Variants in PDE4D observed in about 807,000 individuals in gnomAD.
The protein encoded by PDE4D is 3',5'-cyclic-AMP phosphodiesterase 4D.
In PDE4D, 24 loss-of-function variants were observed where a neutral mutation model predicts 87.4. That is an observed-to-expected ratio of 0.27 (90% CI 0.20 to 0.39). The LOEUF is 0.39. PDE4D is among the 10% of genes least tolerant of loss of function. The pLI is 1.00. For synonymous variants in PDE4D, 384 were observed against 383.2 expected (o/e 1.00, Z -0.02); for missense variants, 714 against 1,041.0 (o/e 0.69, Z 4.32).
At chr5:60,104,052 C>T (rs1042902580) in intron 2 of PDE4D, among the ~76,000 whole-genome samples, 35 of 152,206 alleles carry the variant, frequency 2.3e-4, no homozygotes, top group South Asian at 2.3e-3. Flanking sequence ...CGAAGCAGGG[C>T]GAGGCATTGC....
chr5:59,228,254 G>A (rs539138744), intron 1 of PDE4D, among the ~76,000 whole-genome samples: 149 of 152,132 alleles, frequency 9.8e-4, no homozygotes, highest in African/African-American at 3.6e-3. Context: ...GCCAACTTGA[G>A]GATGGAGGGT....
chr5:59,203,035 ACC>A (rs1368236467), intron 2 of PDE4D, among the ~76,000 whole-genome samples: 228 of 152,312 alleles, frequency 1.5e-3, no homozygotes, highest in African/African-American at 5.3e-3. Context: ...TGGGCAAAAA[ACC>A]TGAATAGGTC....
chr5:59,413,457 C>CAAAAAAAAAAA (rs34074485), intron 1 of PDE4D, among the ~76,000 whole-genome samples: 6 of 54,418 alleles, frequency 1.1e-4, no homozygotes, highest in African/African-American at 3.3e-4. Context: ...GACTCCATCT[C>CAAAAAAAAAAA]AAAAAAAAAA....
At chr5:59,980,929 CT>C (rs1761859391) in intron 3 of PDE4D, among the ~76,000 whole-genome samples, 1 of 152,158 alleles carries the variant, frequency 6.6e-6, no homozygotes, top group Non-Finnish European at 1.5e-5. Context: ...TGCTCCATCA[CT>C]CTTAGAATCT....
At chr5:59,316,247 A>G (rs1345997251) in intron 1 of PDE4D, among the ~76,000 whole-genome samples, 2 of 152,234 alleles carry the variant, frequency 1.3e-5, no homozygotes, top group Non-Finnish European at 2.9e-5. Flanking sequence ...TGGAATCGGT[A>G]TAGACATAAG....
At chr5:59,362,147 G>T (rs976702528) in intron 1 of PDE4D, among the ~76,000 whole-genome samples, 1 of 152,068 alleles carries the variant, frequency 6.6e-6, no homozygotes, top group Non-Finnish European at 1.5e-5. Context: ...GCTGAATAAG[G>T]CAATTTATAT....
rs371898808 is a variant in PDE4D at position 59,609,403 on chromosome 5, T to C, written c.455+283765A>G. Among the ~76,000 whole-genome samples the C allele has an allele frequency of 4.2e-4, 13 of 30,658 alleles. No individual in the cohort carries two copies. In the East Asian group the frequency reaches 0.011, roughly 26 times the overall value. The allele number at this position is 30,658 out of a possible 152,430, so 20.1% of individuals were successfully genotyped here. On this transcript the variant is annotated intron_variant, in intron 1 of 14. Transcript: ENST00000340635. ...ACACACACACACACACACACACATA[T>C]ATATATGTAGTTAATCTGAATATCA...
chr5:59,055,693 G>C (rs756796157), intron 5 of PDE4D, among the ~76,000 whole-genome samples: 1 of 152,078 alleles, frequency 6.6e-6, no homozygotes, highest in Non-Finnish European at 1.5e-5. Flanking sequence ...AGAGATTCAG[G>C]GTGATGAGTC....
chr5:59,437,999 A>G lies in PDE4D; in HGVS notation c.456-222031T>C, dbSNP rs114436394. Among the ~76,000 whole-genome samples, 742 of 152,286 alleles carry G rather than the reference A, an allele frequency of 4.9e-3. 7 individuals are homozygous for G. Among genetic ancestry groups the G allele is most frequent in the African/African-American group, 0.017 (709 of 41,552 alleles). On this transcript the variant is annotated intron_variant, in intron 1 of 14. Transcript: ENST00000340635. Reference sequence around the variant, plus strand: ...AATGAGTGCCAGCAGGGGAAACACTAGAAGCTTATAAAACCAGCAGATCTC... The same window carrying G: ...AATGAGTGCCAGCAGGGGAAACACTGGAAGCTTATAAAACCAGCAGATCTC...
At chr5:60,316,297 G>T (rs1755589280) in intron 1 of PDE4D, among the ~76,000 whole-genome samples, 1 of 152,022 alleles carries the variant, frequency 6.6e-6, no homozygotes, top group African/African-American at 2.4e-5. Flanking sequence ...GTCTGTTATT[G>T]GTGTATAAGA....
At chr5:59,101,517 G>A (rs1032484324) in intron 5 of PDE4D, among the ~76,000 whole-genome samples, 1 of 152,116 alleles carries the variant, frequency 6.6e-6, no homozygotes, top group Non-Finnish European at 1.5e-5. Context: ...ACCCCTAGCA[G>A]GTTTTCCAAT....
chr5:60,389,307 T>C (rs1044461789), intron 1 of PDE4D, among the ~76,000 whole-genome samples: 3 of 152,182 alleles, frequency 2.0e-5, no homozygotes, highest in Admixed American at 2.0e-4. Flanking sequence ...ATTCAGACTC[T>C]TGAAACTGTA....
intron 1 of PDE4D, among the ~76,000 whole-genome samples, chr5:59,820,259 T>C (rs952483381): frequency 6.6e-6 from 1 of 152,238 alleles, no homozygotes; most frequent in African/African-American, 2.4e-5. Context: ...TGCCCACTCC[T>C]GTTGTTTATC....
At chr5:60,162,267 C>A (rs1228344381) in intron 2 of PDE4D, among the ~76,000 whole-genome samples, 1 of 152,068 alleles carries the variant, frequency 6.6e-6, no homozygotes, top group East Asian at 1.9e-4. Context: ...ATTGTTAATG[C>A]TTTCCAGAGC....
At chr5:59,914,004 T>C (rs1234434935) in intron 3 of PDE4D, among the ~76,000 whole-genome samples, 1 of 152,136 alleles carries the variant, frequency 6.6e-6, no homozygotes, top group African/African-American at 2.4e-5. Context: ...GGTTTAAGAA[T>C]AGTCTGGGCC....
intron 2 of PDE4D, among the ~76,000 whole-genome samples, chr5:59,202,775 CT>C (rs1747805039): frequency 6.6e-6 from 1 of 152,128 alleles, no homozygotes; most frequent in African/African-American, 2.4e-5. Context: ...TGAATTGCTC[CT>C]CCTCGCCTTC....
At chr5:59,056,584 G>T (rs981253243) in intron 5 of PDE4D, among the ~76,000 whole-genome samples, 1 of 152,204 alleles carries the variant, frequency 6.6e-6, no homozygotes, top group South Asian at 2.1e-4. Flanking sequence ...TTGTACTAAT[G>T]TTCTTCCTCC....
At chr5:59,844,061 C>T (rs568149125) in intron 1 of PDE4D, among the ~76,000 whole-genome samples, 23 of 152,038 alleles carry the variant, frequency 1.5e-4, no homozygotes, top group Non-Finnish European at 3.1e-4. Context: ...TGACTGATCC[C>T]CTTGTTTGTA....
intron 1 of PDE4D, among the ~76,000 whole-genome samples, chr5:59,430,803 T>A (rs1052160121): frequency 1.3e-5 from 2 of 152,116 alleles, no homozygotes; most frequent in African/African-American, 4.8e-5. Flanking sequence ...CCTAATGTAA[T>A]AGTAGTTTGG....
Sources: gnomAD v4.1 joint callset for allele counts (sites outside exome capture counted in the v4.1 genomes callset) on GRCh38, gnomAD v4.1.1 for gene constraint, MANE v1.5 for transcripts, NCBI Gene and HGNC (gene_info 2026-07-23, HGNC 2026-07-21) for gene names.